CALD1: variants seen among roughly 807,000 people sequenced by gnomAD.
CALD1 encodes caldesmon 1, also known as caldesmon.
CALD1 carries 33 observed loss-of-function variants against 99.9 expected under a neutral mutation model. The observed-to-expected ratio is 0.33, with a 90% CI of 0.25 to 0.44. The LOEUF is 0.44. Among genes scored for constraint, CALD1 ranks in the 20% least tolerant of loss-of-function variants. CALD1 has a pLI of 1.00. For synonymous variants in CALD1, 310 were observed against 325.0 expected, an observed-to-expected ratio of 0.95 and a Z score of 0.50; for missense variants, 861 against 962.1, an observed-to-expected ratio of 0.89 and a Z score of 1.39.
At chr7:134,792,723 G>A (rs1021257208) in intron 1 of CALD1, among the ~76,000 whole-genome samples, 3 of 152,162 alleles carry the variant, frequency 2.0e-5, no homozygotes, top group Non-Finnish European at 4.4e-5. Context: ...GGTTAGGACT[G>A]CTTCAACATA....
chr7:134,849,178 C>T (rs1028068305), intron 2 of CALD1, among the ~76,000 whole-genome samples: 3 of 152,180 alleles, frequency 2.0e-5, no homozygotes, highest in Non-Finnish European at 2.9e-5. Flanking sequence ...CTCTCATCCA[C>T]CTATCACACT....
intron 1 of CALD1, among the ~76,000 whole-genome samples, chr7:134,773,113 CAA>C (rs1377348519): frequency 6.6e-6 from 1 of 152,132 alleles, no homozygotes; most frequent in Non-Finnish European, 1.5e-5. Flanking sequence ...CTTTAGTTTT[CAA>C]AAGTCTTCTT....
At chr7:134,733,567 G>C in the CALD1 span, among the ~76,000 whole-genome samples, 9 of 152,142 alleles carry the variant, frequency 5.9e-5, no homozygotes, top group Admixed American at 6.5e-5. Context: ...CCAGCACTTT[G>C]GGAGGCTGAG....
chr7:134,824,728 T>C (rs1798919691), intron 1 of CALD1, among the ~76,000 whole-genome samples: 1 of 152,202 alleles, frequency 6.6e-6, no homozygotes, highest in Non-Finnish European at 1.5e-5. Flanking sequence ...TGTAATTTTT[T>C]CCCAGTTCCC....
In CALD1 at chr7:134,892,202, G is replaced by T. The variant is rs548137131; in HGVS notation, c.71+24398G>T. 7.2e-5 allele frequency among the ~76,000 whole-genome samples: 11 copies of T among 152,262 alleles called. No homozygotes were observed. The South Asian group carries it at 2.1e-3, about 29-fold the overall frequency. On this transcript the variant is annotated intron_variant, in intron 3 of 14. Transcript: ENST00000361675. ...AATTGTTCAGATAACGGACTCCAAG[G>T]GTTTAGGATCATGAAATCCTGGAAT...
At chr7:134,739,448 T>C (rs1403746085), upstream of CALD1, among the ~76,000 whole-genome samples, 1 of 152,220 alleles carries the variant, frequency 6.6e-6, no homozygotes. Flanking sequence ...ACCTAAACTA[T>C]GTTTTCTATC....
chr7:134,725,012 G>T, the CALD1 span, among the ~76,000 whole-genome samples: 1 of 152,228 alleles, frequency 6.6e-6, no homozygotes, highest in African/African-American at 2.4e-5. Context: ...GAGCCAAGAG[G>T]TGGGTGCAGT....
chr7:134,725,510 T>G, the CALD1 span, among the ~76,000 whole-genome samples: 1 of 152,238 alleles, frequency 6.6e-6, no homozygotes, highest in Non-Finnish European at 1.5e-5. Flanking sequence ...ATATCACCCT[T>G]AGATTCTGTG....
At chr7:134,932,286 G>C (rs771405082) in intron 4 of CALD1, among the ~76,000 whole-genome samples, 1 of 152,164 alleles carries the variant, frequency 6.6e-6, no homozygotes, top group African/African-American at 2.4e-5. Context: ...GGTCACTGGC[G>C]TGAGTGTGGA....
At position 134,783,056 on chromosome 7, in the gene CALD1, G is replaced by T. The variant is rs182026206; in HGVS notation, c.-130+3307G>T. The stretch of plus-strand genomic sequence containing the variant: ...AGTGAGAAAGTGCTGACAACAGAAA[G>T]CCCTTAAGTAATTGAGGCAGCTTCT... On this transcript the variant is annotated intron_variant, in intron 1 of 14. Coordinates refer to ENST00000361675, the MANE Select transcript of CALD1 (RefSeq NM_033138.4). The surrounding 1 kb of genome is among the most constrained non-coding windows in gnomAD (Gnocchi z 4.3). Among the ~76,000 whole-genome samples, 462 of 152,264 alleles carry T rather than the reference G, an allele frequency of 3.0e-3. 1 individual carries two copies. The highest frequency in any genetic ancestry group is 4.0e-3 in the Non-Finnish European group (273 of 68,022).
chr7:134,836,039 G>C (rs2132108880), intron 1 of CALD1, among the ~76,000 whole-genome samples: 1 of 151,636 alleles, frequency 6.6e-6, no homozygotes, highest in East Asian at 1.9e-4. Context: ...CAGCTACTCA[G>C]GAAGCTGAAG....
At chr7:134,789,031 T>TAA (rs35315682) in intron 1 of CALD1, among the ~76,000 whole-genome samples, 30,585 of 116,696 alleles carry the variant, frequency 0.26, 4,517 homozygotes, top group African/African-American at 0.39. Flanking sequence ...AAACAAAAAG[T>TAA]AAAAAAAAAA....
chr7:134,931,716 G>T (rs751515310), intron 4 of CALD1, among the ~76,000 whole-genome samples: 4 of 152,186 alleles, frequency 2.6e-5, no homozygotes, highest in Non-Finnish European at 4.4e-5. Flanking sequence ...ACAGTGTCCA[G>T]CATCCTGCAG....
At chr7:134,777,648 T>C (rs1296796660), upstream of CALD1, among the ~76,000 whole-genome samples, 1 of 151,888 alleles carries the variant, frequency 6.6e-6, no homozygotes, top group Non-Finnish European at 1.5e-5. Flanking sequence ...TAATGGAAAA[T>C]AGCACTTTCA....
chr7:134,773,820 GTGTGTGTT>G (rs1400586034), intron 1 of CALD1, among the ~76,000 whole-genome samples: 90 of 150,254 alleles, frequency 6.0e-4, no homozygotes, highest in African/African-American at 2.0e-3. Flanking sequence ...GTGTGTGTGT[GTGTGTGTT>G]TCTGTTGTTT....
At position 134,783,143 on chromosome 7, in the gene CALD1, G is replaced by C. The variant is rs549935391; in HGVS notation, c.-130+3394G>C. ...CGTCATGCCTGGGCCTTGTAGGAAG[G>C]GCAAGGAAGGCAGGAACACCTGGCT... is the stretch of plus-strand genomic sequence containing the variant. On this transcript the variant is annotated intron_variant, in intron 1 of 14. Transcript: ENST00000361675. This position sits in a 1 kb window ranked among gnomAD's most constrained non-coding sequence, Gnocchi z 4.3. Among the ~76,000 whole-genome samples the C allele has an allele frequency of 1.3e-5, 2 of 152,288 alleles. No individual in the cohort carries two copies. Among genetic ancestry groups the C allele is most frequent in the East Asian group, 3.9e-4 (2 of 5,172 alleles).
chr7:134,816,779 T>C (rs1259704423), intron 1 of CALD1, among the ~76,000 whole-genome samples: 1 of 152,144 alleles, frequency 6.6e-6, no homozygotes. Flanking sequence ...TTCCACTGTT[T>C]CCCATACTAG....
chr7:134,833,891 G>A (rs1282390405), intron 1 of CALD1, among the ~76,000 whole-genome samples: 3 of 152,108 alleles, frequency 2.0e-5, no homozygotes, highest in Non-Finnish European at 4.4e-5. Flanking sequence ...TAGTAGAAGA[G>A]CAAATCTCAA....
At chr7:134,791,621 G>C (rs1812253559) in intron 1 of CALD1, among the ~76,000 whole-genome samples, 1 of 152,064 alleles carries the variant, frequency 6.6e-6, no homozygotes, top group Admixed American at 6.5e-5. Flanking sequence ...CACATTTTCA[G>C]ATAATCCGAA....
Sources: allele counts gnomAD v4.1 joint callset (sites outside exome capture counted in the v4.1 genomes callset), GRCh38; gene constraint gnomAD v4.1.1; non-coding constraint Gnocchi (gnomAD v3.1); transcripts MANE v1.5; gene names NCBI Gene and HGNC (gene_info 2026-07-23, HGNC 2026-07-21).